YY1AP1: variants seen among roughly 807,000 people sequenced by gnomAD.
YY1AP1 encodes the protein YY1-associated protein 1.
Under a neutral mutation model 39.9 loss-of-function variants are expected in YY1AP1, and 43 were observed. The ratio of observed to expected loss-of-function variants is 1.08; its 90% CI spans 0.84 to 1.39. The LOEUF (loss-of-function observed/expected upper bound fraction) is 1.39, where lower values mean the gene tolerates loss of function less well. Among genes scored for constraint, YY1AP1 ranks in the 40% most tolerant of loss-of-function variants. The pLI, the probability that YY1AP1 is intolerant of heterozygous loss-of-function variation, is 0.00. For synonymous variants in YY1AP1, 292 were observed against 331.3 expected (o/e 0.88, Z 1.29); for missense variants, 813 against 900.7 (o/e 0.90, Z 1.25).
intron 4 of YY1AP1, among the ~76,000 whole-genome samples, chr1:155,678,013 A>G (rs895026372): frequency 2.0e-5 from 3 of 152,222 alleles, no homozygotes; most frequent in African/African-American, 7.2e-5. Context: ...TTTGCAATCG[A>G]AAGAGAAGCA....
chr1:155,686,001 G>A (rs1652171654), intron 2 of YY1AP1, among the ~76,000 whole-genome samples: 1 of 150,380 alleles, frequency 6.6e-6, no homozygotes, highest in African/African-American at 2.5e-5. Flanking sequence ...GTTCATAGAC[G>A]GGATCCTTAC....
At chr1:155,668,989 A>G (rs1387498231) in intron 8 of YY1AP1, among the ~76,000 whole-genome samples, 1 of 152,090 alleles carries the variant, frequency 6.6e-6, no homozygotes, top group African/African-American at 2.4e-5. Flanking sequence ...TCAGCCTCCC[A>G]AAGTGCTGAG....
chr1:155,672,764 CA>C (rs940411491), intron 6 of YY1AP1, 33 bp from the exon 7 acceptor site: 1 of 1,614,042 alleles, frequency 6.2e-7, no homozygotes, highest in Non-Finnish European at 8.5e-7. Context: ...AGATCTAAGA[CA>C]ATTCCAGACA....
At position 155,664,914 on chromosome 1, in the gene YY1AP1, C is replaced by G. The variant is rs955569540; in HGVS notation, c.880-3491G>C. ...CCTCCAGAGTACCTGGGACTACAGACGCCCGCCACCACACCCGGCTAATTT... is the reference window on the plus strand; with the variant it reads ...CCTCCAGAGTACCTGGGACTACAGAGGCCCGCCACCACACCCGGCTAATTT... On this transcript the variant is annotated intron_variant, in intron 9 of 10. Transcript: ENST00000355499. Among the ~76,000 whole-genome samples the G allele has an allele frequency of 4.0e-5, 6 of 151,670 alleles. No homozygotes were observed. The East Asian group carries it at 1.2e-3, about 30-fold the overall frequency.
chr1:155,682,728 T>C (rs1479702967), intron 2 of YY1AP1, among the ~76,000 whole-genome samples: 1 of 152,182 alleles, frequency 6.6e-6, no homozygotes, highest in Non-Finnish European at 1.5e-5. Context: ...TCCAATGGAA[T>C]TCCTGGATAA....
chr1:155,688,830 C>G (rs984822275), upstream of YY1AP1: 3 of 1,576,534 alleles, frequency 1.9e-6, no homozygotes, highest in East Asian at 7.0e-5. Flanking sequence ...CCATTCCTGG[C>G]GGCTGCAGGG....
chr1:155,675,121 A>T (rs747238467), intron 5 of YY1AP1, 25 bp from the exon 6 acceptor site: 102 of 1,604,176 alleles, frequency 6.4e-5, no homozygotes, highest in Non-Finnish European at 8.4e-5. Flanking sequence ...AAAATAATGC[A>T]GTGATATGTT....
At chr1:155,686,357 A>T (rs1558319717) in intron 2 of YY1AP1, among the ~76,000 whole-genome samples, 1 of 151,934 alleles carries the variant, frequency 6.6e-6, no homozygotes, top group Non-Finnish European at 1.5e-5. Flanking sequence ...CGCCCTGCCG[A>T]AATCAGTCTT....
Position 155,680,447 on chromosome 1 carries a change from G to T in YY1AP1, c.-11C>A. The T allele has an allele frequency of 6.2e-7, 1 of 1,613,394 alleles. No individual in the cohort carries two copies. Among genetic ancestry groups the T allele is most frequent in the Non-Finnish European group, 8.5e-7 (1 of 1,179,578 alleles). On this transcript the variant is annotated 5_prime_UTR_variant, in exon 3 of 11. Coordinates refer to ENST00000355499, the MANE Select transcript of YY1AP1 (RefSeq NM_139119.3). ...AAACAGATCTTCCATCAGCTCATTT[G>T]CTTCCTTTTCTGCAAAAAAGCCAAA...
In YY1AP1 at chr1:155,659,616, G is replaced by A. The variant is rs770985845; in HGVS notation, c.*41C>T. Reference sequence around the variant, plus strand: ...CCCTATGCGCCACCAATCGGAGGCCGAAGTGAAGGCTCCCAGTCTCCAGAC... The same window carrying A: ...CCCTATGCGCCACCAATCGGAGGCCAAAGTGAAGGCTCCCAGTCTCCAGAC... On this transcript the variant is annotated 3_prime_UTR_variant, in exon 11 of 11. Coordinates refer to ENST00000355499, the MANE Select transcript of YY1AP1 (RefSeq NM_139119.3). The A allele has an allele frequency of 1.1e-5, 18 of 1,609,212 alleles. No individual in the cohort carries two copies. The highest frequency in any genetic ancestry group is 5.4e-5 in the African/African-American group (4 of 74,664).
intron 6 of YY1AP1, among the ~76,000 whole-genome samples, chr1:155,673,882 C>T (rs1400350581): frequency 6.6e-6 from 1 of 151,970 alleles, no homozygotes; most frequent in Non-Finnish European, 1.5e-5. Context: ...TCAAAATAGG[C>T]CGGGCGCGGT....
intron 4 of YY1AP1, among the ~76,000 whole-genome samples, chr1:155,678,750 C>G (rs988556232): frequency 6.6e-6 from 1 of 152,178 alleles, no homozygotes; most frequent in Non-Finnish European, 1.5e-5. Context: ...AGTTCAAACA[C>G]AGGACTAATT....
chr1:155,674,330 A>C (rs1478615629), intron 6 of YY1AP1, among the ~76,000 whole-genome samples: 1 of 151,792 alleles, frequency 6.6e-6, no homozygotes, highest in Non-Finnish European at 1.5e-5. Context: ...AACAAAAAAA[A>C]CACAGACCGG....
At chr1:155,679,662 A>G (rs778561057) in intron 3 of YY1AP1, 150 bp from the exon 4 acceptor site, 29 of 1,517,472 alleles carry the variant, frequency 1.9e-5, no homozygotes, top group South Asian at 3.8e-5. Context: ...TCACTTCAGG[A>G]CTCCTACAAA....
At position 155,675,039 on chromosome 1, in the gene YY1AP1, G is replaced by C; in HGVS notation, c.382C>G (p.Pro128Ala). ...CATATCCTGGTGCTACTGGCCTCCG[G>C]ATTGAGATTGGGGTTGCAGGTGGCA... ...LLATCNPNLNPEASSTRICLK... is the reference protein window; with the variant it reads ...LLATCNPNLNAEASSTRICLK... Residue 128 changes from proline to alanine, a missense_variant, in exon 6 of 11, where the codon CCG becomes GCG. Physicochemically the swap from Pro to Ala is conservative, Grantham distance 27. Around this residue, in one of 3 missense-constraint regions of YY1AP1, gnomAD observed 196 missense variants for 189.7 expected, o/e 1.03. Transcript: ENST00000355499. The C allele has an allele frequency of 6.2e-7, 1 of 1,613,822 alleles. No individual in the cohort carries two copies. The highest frequency in any genetic ancestry group is 8.5e-7 in the Non-Finnish European group (1 of 1,179,796).
chr1:155,661,839 G>T (rs1648208628), intron 9 of YY1AP1, among the ~76,000 whole-genome samples: 1 of 152,076 alleles, frequency 6.6e-6, no homozygotes, highest in African/African-American at 2.4e-5. Context: ...TGTATTTTTA[G>T]TAGAGACAGG....
At chr1:155,687,872 C>T (rs1652721782) in intron 2 of YY1AP1, 199 bp downstream of exon 2, 2 of 566,708 alleles carry the variant, frequency 3.5e-6, no homozygotes, top group Non-Finnish European at 6.0e-6. Context: ...GTCTGCCTGT[C>T]AGGGACACCC....
intron 7 of YY1AP1, among the ~76,000 whole-genome samples, chr1:155,671,931 C>A (rs1446828985): frequency 1.3e-5 from 2 of 152,176 alleles, no homozygotes; most frequent in Admixed American, 1.3e-4. Flanking sequence ...CAAACCACAA[C>A]TAATTTGCTA....
rs1344188048 is a variant in YY1AP1, at chr1:155,660,538, T to C, written c.1372A>G (p.Thr458Ala). The change falls in exon 11 of 11, where the codon ACT becomes GCT. Residue 458 changes from threonine (T) to alanine (A), a missense_variant. Thr to Ala is a moderately conservative substitution (Grantham distance 58). Coordinates refer to ENST00000355499, the MANE Select transcript of YY1AP1 (RefSeq NM_139119.3). ...LRIPHPIQPA[T>A]VLQTVPGVPP... ...ACACCTGGAACTGTCTGTAAAACAG[T>C]GGCTGGCTGTATTGGGTGAGGAATC... 1.2e-6 allele frequency: 2 copies of C among 1,614,084 alleles called. No individual in the cohort carries two copies. The highest frequency in any genetic ancestry group is 1.7e-6 in the Non-Finnish European group (2 of 1,180,004).
Sources: gnomAD v4.1 joint callset for allele counts (sites outside exome capture counted in the v4.1 genomes callset) on GRCh38, gnomAD v4.1.1 for gene constraint, gnomAD v4.1.1 regional missense constraint, MANE v1.5 for transcripts, NCBI Gene and HGNC (gene_info 2026-07-23, HGNC 2026-07-21) for gene names.